The following PREP variants were observed in gnomAD, a reference collection of about 807,000 sequenced individuals.
PREP encodes the protein prolyl endopeptidase.
Under a neutral mutation model 87.6 loss-of-function variants are expected in PREP, and 29 were observed. That is an observed-to-expected ratio of 0.33 (90% CI 0.25 to 0.45). The LOEUF (loss-of-function observed/expected upper bound fraction) is 0.45. PREP is among the 20% of genes least tolerant of loss of function. The probability of loss-of-function intolerance (pLI) is 1.00; values close to 1 mark genes in which losing one functional copy is unlikely to be tolerated. For missense variants in PREP, 695 were observed against 886.5 expected, an observed-to-expected ratio of 0.78 and a Z score of 2.74; for synonymous variants, 337 against 328.6, an observed-to-expected ratio of 1.03 and a Z score of -0.28.
At chr6:105,364,272 G>A (rs780409291) in intron 6 of PREP, among the ~76,000 whole-genome samples, 2 of 152,288 alleles carry the variant, frequency 1.3e-5, no homozygotes, top group African/African-American at 2.4e-5. Flanking sequence ...GAAGGCAGTC[G>A]TCCCGGGAAG....
In PREP at chr6:105,278,089, C is replaced by G. The variant is rs955863971; in HGVS notation, c.*55G>C. On this transcript the variant is annotated 3_prime_UTR_variant, in exon 15 of 15. Transcript: ENST00000652536. The surrounding 1 kb of genome is among the most constrained non-coding windows in gnomAD (Gnocchi z 4.2). ...ATGCCCAGTGGTTTCTTGGTGTCAA[C>G]GTGGGAAAGCCCTTGAGGTTTTCTG... 1.5e-5 allele frequency: 24 copies of G among 1,557,296 alleles called. No homozygotes were observed. The East Asian group carries it at 5.0e-4, about 32-fold the overall frequency.
At position 105,273,224 on chromosome 6, in the gene PREP, T is replaced by C. The variant is rs1221201864; in HGVS notation, c.*4920A>G. On this transcript the variant is annotated 3_prime_UTR_variant, in exon 15 of 15. Coordinates refer to ENST00000652536, the MANE Select transcript of PREP (RefSeq NM_002726.5). ...ACTCATCCAGAAAGGGTCATTGCTC[T>C]TTTTTCTCTTTATTTCACTACCAGA... is the stretch of plus-strand genomic sequence containing the variant. 1.3e-5 allele frequency: 2 copies of C among 152,220 alleles called. No homozygotes were observed. Among genetic ancestry groups the C allele is most frequent in the Non-Finnish European group, 2.9e-5 (2 of 68,038 alleles). 9.4% of individuals were successfully genotyped at this position (152,220 alleles called of 1,614,324 possible).
chr6:105,313,151 T>C (rs1770793901), intron 10 of PREP, among the ~76,000 whole-genome samples: 1 of 152,126 alleles, frequency 6.6e-6, no homozygotes, highest in Admixed American at 6.5e-5. Flanking sequence ...AAGACTACAC[T>C]TGTGGAGATG....
intron 2 of PREP, among the ~76,000 whole-genome samples, chr6:105,394,241 TAAAC>T (rs1326873697): frequency 6.6e-6 from 1 of 152,192 alleles, no homozygotes; most frequent in Non-Finnish European, 1.5e-5. Context: ...TAACAATGCT[TAAAC>T]AAGATGACAA....
chr6:105,367,671 C>CAA (rs112161765), intron 6 of PREP, among the ~76,000 whole-genome samples: 1,588 of 80,400 alleles, frequency 0.02, 35 homozygotes, highest in African/African-American at 0.053. Flanking sequence ...GACTCCGTCT[C>CAA]AAAAAAAAAA....
chr6:105,302,132 C>A (rs1380148866), intron 10 of PREP, among the ~76,000 whole-genome samples: 2 of 152,206 alleles, frequency 1.3e-5, no homozygotes, highest in Non-Finnish European at 2.9e-5. Context: ...AATGAAGACA[C>A]ACAATCAGAC....
At chr6:105,389,232 C>G (rs1773078973) in intron 2 of PREP, among the ~76,000 whole-genome samples, 1 of 152,182 alleles carries the variant, frequency 6.6e-6, no homozygotes, top group African/African-American at 2.4e-5. Context: ...CATTTTCTCA[C>G]TTGGGTGTTG....
Position 105,278,514 on chromosome 6 carries a change from T to C in PREP, c.1839-76A>G, listed in dbSNP as rs1769998615. The C allele has an allele frequency of 2.1e-6, 3 of 1,441,386 alleles. No homozygotes were observed. Among genetic ancestry groups the C allele is most frequent in the Non-Finnish European group, 2.9e-6 (3 of 1,049,294 alleles). 89.3% of individuals were successfully genotyped at this position (1,441,386 alleles called of 1,614,324 possible). Reference sequence around the variant, plus strand: ...ATGGCACAGGGACCTAGGTAGTTAATTAGCAGTGAGGACTGCAGTTAACTA... The same window carrying C: ...ATGGCACAGGGACCTAGGTAGTTAACTAGCAGTGAGGACTGCAGTTAACTA... On this transcript the variant is annotated intron_variant, in intron 14 of 14. Transcript: ENST00000652536. This position sits in a 1 kb window ranked among gnomAD's most constrained non-coding sequence, Gnocchi z 4.2.
chr6:105,395,295 A>G (rs761455821), intron 2 of PREP, among the ~76,000 whole-genome samples: 1 of 152,204 alleles, frequency 6.6e-6, no homozygotes, highest in African/African-American at 2.4e-5. Flanking sequence ...GCATCTGCAA[A>G]GTATTACACC....
intron 10 of PREP, among the ~76,000 whole-genome samples, chr6:105,314,446 T>C (rs1770819647): frequency 6.6e-6 from 1 of 152,260 alleles, no homozygotes; most frequent in African/African-American, 2.4e-5. Flanking sequence ...CACTGATTTA[T>C]CAACAAAGTT....
At chr6:105,382,382 C>T (rs1044761960) in intron 2 of PREP, among the ~76,000 whole-genome samples, 7 of 151,228 alleles carry the variant, frequency 4.6e-5, no homozygotes, top group South Asian at 2.1e-4. Flanking sequence ...CTACATATAT[C>T]AAAATGACGT....
chr6:105,275,728 T>C lies in PREP; in HGVS notation c.*2416A>G, dbSNP rs1769918833. Among the ~76,000 whole-genome samples, 1 of 152,218 alleles carries C rather than the reference T, an allele frequency of 6.6e-6. No individual in the cohort carries two copies. The highest frequency in any genetic ancestry group is 1.5e-5 in the Non-Finnish European group (1 of 68,046). On this transcript the variant is annotated 3_prime_UTR_variant, in exon 15 of 15. Coordinates refer to ENST00000652536, the MANE Select transcript of PREP (RefSeq NM_002726.5). The stretch of plus-strand genomic sequence containing the variant: ...ACAGATGAAGAAAATGTGGTACATA[T>C]ATACAATGGAATATGATTTAGCCAT...
intron 14 of PREP, chr6:105,280,909 T>C (rs1770068440): frequency 6.6e-6 from 1 of 152,242 alleles, no homozygotes; most frequent in Admixed American, 6.5e-5. Flanking sequence ...CAGGAGCATA[T>C]ATTCTTTACT....
chr6:105,369,706 G>C (rs1772485343), intron 5 of PREP, among the ~76,000 whole-genome samples: 1 of 152,078 alleles, frequency 6.6e-6, no homozygotes, highest in Non-Finnish European at 1.5e-5. Flanking sequence ...ATCCAGACAA[G>C]ATCTTACACC....
intron 14 of PREP, among the ~76,000 whole-genome samples, chr6:105,279,696 TG>T (rs748979136): frequency 3.9e-5 from 6 of 152,200 alleles, no homozygotes; most frequent in Non-Finnish European, 7.3e-5. Flanking sequence ...TAGTGTGGGC[TG>T]AGTTCCATGC....
intron 7 of PREP, among the ~76,000 whole-genome samples, chr6:105,346,351 A>T (rs1190646317): frequency 6.6e-6 from 1 of 152,270 alleles, no homozygotes; most frequent in Non-Finnish European, 1.5e-5. Flanking sequence ...TGAAATGACC[A>T]ATCTACATGT....
chr6:105,386,937 G>A (rs1773011052), intron 2 of PREP, among the ~76,000 whole-genome samples: 4 of 152,238 alleles, frequency 2.6e-5, no homozygotes, highest in Admixed American at 2.6e-4. Flanking sequence ...CTAAGGCCGG[G>A]TGCGGTGTTT....
rs1213054816 is a variant in PREP, at chr6:105,355,092, G to GTTT, written c.718-2018_718-2016dup. ...GACAGGATATGGTGGTCGGGTTGTA[G>GTTT]TTTTTTTTTTTTTTTTTGAGACGGA... On this transcript the variant is annotated intron_variant, in intron 6 of 14. Coordinates refer to ENST00000652536, the MANE Select transcript of PREP (RefSeq NM_002726.5). Among the ~76,000 whole-genome samples, 18 of 135,600 alleles carry GTTT rather than the reference G, an allele frequency of 1.3e-4. No individual in the cohort carries two copies. The East Asian group carries it at 2.4e-3, about 18-fold the overall frequency. 89.0% of individuals were successfully genotyped at this position (135,600 alleles called of 152,430 possible).
intron 7 of PREP, among the ~76,000 whole-genome samples, chr6:105,352,703 C>T (rs1771992061): frequency 6.6e-6 from 1 of 152,128 alleles, no homozygotes; most frequent in Non-Finnish European, 1.5e-5. Flanking sequence ...TTCTCCTTCA[C>T]GCTCTTCATG....
Sources: gnomAD v4.1 joint callset for allele counts (sites outside exome capture counted in the v4.1 genomes callset) on GRCh38, gnomAD v4.1.1 for gene constraint, Gnocchi (gnomAD v3.1) non-coding constraint, MANE v1.5 for transcripts, NCBI Gene and HGNC (gene_info 2026-07-23, HGNC 2026-07-21) for gene names.